The following KCNK13 variants were observed in gnomAD, a reference collection of about 807,000 sequenced individuals.
KCNK13 encodes the protein potassium two pore domain channel subfamily K member 13, also known as potassium channel subfamily K member 13.
KCNK13 carries 12 observed loss-of-function variants against 23.4 expected under a neutral mutation model. That is an observed-to-expected ratio of 0.51 (90% CI 0.33 to 0.83). The LOEUF is 0.83. Among genes scored for constraint, KCNK13 ranks in the 40% least tolerant of loss-of-function variants. The probability of loss-of-function intolerance (pLI) is 0.02; values close to 1 mark genes in which losing one functional copy is unlikely to be tolerated. For synonymous variants in KCNK13, 231 were observed against 229.5 expected, an observed-to-expected ratio of 1.01 and a Z score of -0.06; for missense variants, 463 against 556.3, an observed-to-expected ratio of 0.83 and a Z score of 1.69.
In KCNK13 at chr14:90,112,886, A is replaced by T. The variant is rs548125083; in HGVS notation, c.334+50347A>T. 4.6e-4 allele frequency among the ~76,000 whole-genome samples: 70 copies of T among 151,460 alleles called. 3 individuals are homozygous for T. Among genetic ancestry groups the T allele is most frequent in the African/African-American group, 1.7e-3 (69 of 41,300 alleles). On this transcript the variant is annotated intron_variant, in intron 1 of 1. Transcript: ENST00000282146. ...GAACCAAATATTTTTGGTAAAATTTATTGTATAAAAAAAGTCTGTTGAAAA... is the reference window on the plus strand; with the variant it reads ...GAACCAAATATTTTTGGTAAAATTTTTTGTATAAAAAAAGTCTGTTGAAAA...
At position 90,096,585 on chromosome 14, in the gene KCNK13, C is replaced by T. The variant is rs536877962; in HGVS notation, c.334+34046C>T. On this transcript the variant is annotated intron_variant, in intron 1 of 1. Coordinates refer to ENST00000282146, the MANE Select transcript of KCNK13 (RefSeq NM_022054.4). ...TTTTCTGTATGATCTTAGTCAAGGCCCTTTTGCTTGCAAATATTAGGAACT... is the reference window on the plus strand; with the variant it reads ...TTTTCTGTATGATCTTAGTCAAGGCTCTTTTGCTTGCAAATATTAGGAACT... Among the ~76,000 whole-genome samples the T allele has an allele frequency of 4.6e-5, 7 of 152,134 alleles. No homozygotes were observed. In the South Asian group the frequency reaches 1.5e-3, roughly 32 times the overall value.
chr14:90,095,069 C>T (rs898028294), intron 1 of KCNK13, among the ~76,000 whole-genome samples: 1 of 152,160 alleles, frequency 6.6e-6, no homozygotes, highest in Non-Finnish European at 1.5e-5. Flanking sequence ...TATCCCACCT[C>T]TTCAAAAAAT....
intron 1 of KCNK13, among the ~76,000 whole-genome samples, chr14:90,065,537 G>A (rs936227368): frequency 1.3e-5 from 2 of 152,190 alleles, no homozygotes; most frequent in African/African-American, 4.8e-5. Flanking sequence ...ATTAAGGCAG[G>A]TGCCACAGTG....
intron 1 of KCNK13, among the ~76,000 whole-genome samples, chr14:90,077,280 G>A (rs1446945179): frequency 4.0e-5 from 6 of 151,008 alleles, no homozygotes; most frequent in South Asian, 2.1e-4. Context: ...CCACCACGCC[G>A]GGCTAATTTT....
intron 1 of KCNK13, among the ~76,000 whole-genome samples, chr14:90,157,388 G>T (rs929651275): frequency 4.6e-5 from 7 of 152,114 alleles, no homozygotes; most frequent in Non-Finnish European, 8.8e-5. Context: ...AAAAGTGTCG[G>T]CATTTATTTA....
chr14:90,140,698 C>T (rs1270962064), intron 1 of KCNK13, among the ~76,000 whole-genome samples: 2 of 152,092 alleles, frequency 1.3e-5, no homozygotes, highest in Non-Finnish European at 2.9e-5. Flanking sequence ...GTAGAGTTTG[C>T]GGGTTAAGGA....
chr14:90,106,315 G>A lies in KCNK13; in HGVS notation c.334+43776G>A, dbSNP rs780848763. On this transcript the variant is annotated intron_variant, in intron 1 of 1. Coordinates refer to ENST00000282146, the MANE Select transcript of KCNK13 (RefSeq NM_022054.4). Reference sequence around the variant, plus strand: ...AGGTCCTGGGCGCAGTGGCTCACACGTGTAATACCAGCACTTTGGGAGGCT... The same window carrying A: ...AGGTCCTGGGCGCAGTGGCTCACACATGTAATACCAGCACTTTGGGAGGCT... 2.6e-5 allele frequency among the ~76,000 whole-genome samples: 4 copies of A among 152,018 alleles called. No individual in the cohort carries two copies. The East Asian group carries it at 5.8e-4, about 22-fold the overall frequency.
At chr14:90,105,608 G>T (rs183450575) in intron 1 of KCNK13, among the ~76,000 whole-genome samples, 337 of 152,038 alleles carry the variant, frequency 2.2e-3, no homozygotes, top group Non-Finnish European at 3.9e-3. Context: ...CAAGCTTTGA[G>T]TCTTTAACTA....
chr14:90,062,449 A>G lies in KCNK13; in HGVS notation c.244A>G (p.Thr82Ala). The G allele has an allele frequency of 6.5e-7, 1 of 1,545,958 alleles. No individual in the cohort carries two copies. Among genetic ancestry groups the G allele is most frequent in the Non-Finnish European group, 8.7e-7 (1 of 1,145,406 alleles). Residue 82 changes from threonine (T) to alanine (A), a missense_variant, in exon 1 of 2, where the codon ACT becomes GCT. Thr to Ala is a moderately conservative substitution (Grantham distance 58). Coordinates refer to ENST00000282146, the MANE Select transcript of KCNK13 (RefSeq NM_022054.4). The surrounding 1 kb of genome is among the most constrained non-coding windows in gnomAD (Gnocchi z 4.5). ...RGFLRHYEEA[T>A]RAGIRVDNVR... is the part of the protein sequence containing the mutation. ...CTTCCTCCGCCACTACGAGGAGGCCACTCGGGCCGGCATCCGCGTGGACAA... is the reference window on the plus strand; with the variant it reads ...CTTCCTCCGCCACTACGAGGAGGCCGCTCGGGCCGGCATCCGCGTGGACAA...
chr14:90,164,552 G>C (rs1299640612), intron 1 of KCNK13, among the ~76,000 whole-genome samples: 1 of 152,226 alleles, frequency 6.6e-6, no homozygotes, highest in Non-Finnish European at 1.5e-5. Context: ...GTTCCCTAGA[G>C]TTACTGTCAT....
At chr14:90,181,175 A>G (rs1010321048) in intron 1 of KCNK13, among the ~76,000 whole-genome samples, 2 of 152,106 alleles carry the variant, frequency 1.3e-5, no homozygotes, top group Non-Finnish European at 2.9e-5. Flanking sequence ...TGTTTTGTAG[A>G]TAGTTAGTCT....
At position 90,076,890 on chromosome 14, in the gene KCNK13, G is replaced by A. The variant is rs138237913; in HGVS notation, c.334+14351G>A. On this transcript the variant is annotated intron_variant, in intron 1 of 1. Transcript: ENST00000282146. ...GCTGGAGTGCAGTGGCGTGATCTCCGCTCACTGGAAGCTCTGCTTCCCGAG... is the reference window on the plus strand; with the variant it reads ...GCTGGAGTGCAGTGGCGTGATCTCCACTCACTGGAAGCTCTGCTTCCCGAG... 9.4e-3 allele frequency among the ~76,000 whole-genome samples: 1,434 copies of A among 152,204 alleles called. 23 individuals carry two copies. Among genetic ancestry groups the A allele is most frequent in the African/African-American group, 0.033 (1,367 of 41,522 alleles).
rs548471347 is a variant in KCNK13, at chr14:90,080,132, G to A, written c.334+17593G>A. ...TTGAAGGTATTGAATTTAGGGAGCCGTTGGGACCTTGGAATGGAGACATTC... is the reference window on the plus strand; with the variant it reads ...TTGAAGGTATTGAATTTAGGGAGCCATTGGGACCTTGGAATGGAGACATTC... On this transcript the variant is annotated intron_variant, in intron 1 of 1. Coordinates refer to ENST00000282146, the MANE Select transcript of KCNK13 (RefSeq NM_022054.4). Among the ~76,000 whole-genome samples, 18 of 152,148 alleles carry A rather than the reference G, an allele frequency of 1.2e-4. 2 individuals are homozygous for A. The highest frequency in any genetic ancestry group is 2.6e-4 in the African/African-American group (11 of 41,514).
intron 1 of KCNK13, among the ~76,000 whole-genome samples, chr14:90,128,414 C>T (rs919743977): frequency 1.3e-5 from 2 of 152,148 alleles, no homozygotes; most frequent in African/African-American, 4.8e-5. Context: ...TACCCCTTGG[C>T]CAGCCGCTCC....
At chr14:90,085,793 CT>C (rs68149168) in intron 1 of KCNK13, among the ~76,000 whole-genome samples, 34,442 of 121,888 alleles carry the variant, frequency 0.28, 4,549 homozygotes, top group Non-Finnish European at 0.31. Flanking sequence ...ATATTATATA[CT>C]TTATATTATA....
intron 1 of KCNK13, among the ~76,000 whole-genome samples, chr14:90,130,017 A>G (rs1454154404): frequency 6.6e-6 from 1 of 152,124 alleles, no homozygotes; most frequent in African/African-American, 2.4e-5. Flanking sequence ...CCATCAACGG[A>G]CATGTTTTGT....
At chr14:90,093,372 C>T (rs891527313) in intron 1 of KCNK13, among the ~76,000 whole-genome samples, 6 of 152,158 alleles carry the variant, frequency 3.9e-5, no homozygotes, top group African/African-American at 7.2e-5. Context: ...AAAATTAACT[C>T]GCAGTAATAT....
chr14:90,178,328 G>T (rs1166489492), intron 1 of KCNK13, among the ~76,000 whole-genome samples: 1 of 143,672 alleles, frequency 7.0e-6, no homozygotes, highest in African/African-American at 2.6e-5. Flanking sequence ...TCTCGCTCTT[G>T]TTGCCCAGGC....
At chr14:90,146,242 C>T (rs137861423) in intron 1 of KCNK13, among the ~76,000 whole-genome samples, 255 of 152,098 alleles carry the variant, frequency 1.7e-3, no homozygotes, top group African/African-American at 5.9e-3. Context: ...TCCTCTTTAC[C>T]ATGGTAATAT....
Sources: gnomAD v4.1 joint callset for allele counts (sites outside exome capture counted in the v4.1 genomes callset) on GRCh38, gnomAD v4.1.1 for gene constraint, Gnocchi (gnomAD v3.1) non-coding constraint, MANE v1.5 for transcripts, NCBI Gene and HGNC (gene_info 2026-07-23, HGNC 2026-07-21) for gene names.